The following ADGRL2 variants were observed in gnomAD, a reference collection of about 807,000 sequenced individuals.
The protein encoded by ADGRL2 is calcium-independent alpha-latrotoxin receptor 2.
ADGRL2 carries 44 observed loss-of-function variants against 157.4 expected under a neutral mutation model. That is an observed-to-expected ratio of 0.28 (90% CI 0.22 to 0.36). The LOEUF (loss-of-function observed/expected upper bound fraction) is 0.36. ADGRL2 is among the 10% of genes least tolerant of loss of function. The probability of loss-of-function intolerance (pLI) is 1.00; values close to 1 mark genes in which losing one functional copy is unlikely to be tolerated. For missense variants in ADGRL2, 1,510 were observed against 1,768.9 expected, an observed-to-expected ratio of 0.85 and a Z score of 2.63; for synonymous variants, 585 against 624.7, an observed-to-expected ratio of 0.94 and a Z score of 0.95.
At chr1:81,392,925 T>A (rs140788950) in intron 1 of ADGRL2, among the ~76,000 whole-genome samples, 1 of 152,258 alleles carries the variant, frequency 6.6e-6, no homozygotes, top group African/African-American at 2.4e-5. Flanking sequence ...ATAATAATTG[T>A]AACTTTTTGT....
At chr1:81,864,478 G>T (rs1443235837) in intron 2 of ADGRL2, among the ~76,000 whole-genome samples, 1 of 151,934 alleles carries the variant, frequency 6.6e-6, no homozygotes, top group African/African-American at 2.4e-5. Flanking sequence ...AGAATGAATT[G>T]ACCTATGACA....
At chr1:81,920,666 C>T (rs1414657349) in intron 3 of ADGRL2, among the ~76,000 whole-genome samples, 1 of 152,132 alleles carries the variant, frequency 6.6e-6, no homozygotes, top group Admixed American at 6.6e-5. Context: ...TTTGTTGCGA[C>T]TGCACTGGAG....
intron 1 of ADGRL2, among the ~76,000 whole-genome samples, chr1:81,407,468 T>C (rs1314929766): frequency 6.6e-6 from 1 of 152,250 alleles, no homozygotes; most frequent in Non-Finnish European, 1.5e-5. Context: ...CTGCCCACTG[T>C]TACACATCAT....
chr1:81,889,248 C>G (rs1048727470), intron 2 of ADGRL2, among the ~76,000 whole-genome samples: 3 of 152,202 alleles, frequency 2.0e-5, no homozygotes, highest in South Asian at 4.1e-4. Context: ...AACGAAATCT[C>G]GGCCTCTTGT....
chr1:81,522,621 T>G (rs1370145011), intron 2 of ADGRL2, among the ~76,000 whole-genome samples: 1 of 152,212 alleles, frequency 6.6e-6, no homozygotes, highest in Non-Finnish European at 1.5e-5. Flanking sequence ...GTTTAAGCTA[T>G]ACTTTTTCTG....
Position 81,985,473 on chromosome 1 carries a change from G to A in ADGRL2, c.3508+118G>A, listed in dbSNP as rs537350921. On this transcript the variant is annotated intron_variant, in intron 21 of 23. Transcript: ENST00000686636. Reference sequence around the variant, plus strand: ...AAACTGCATTAACAGGATGCGGCTCGAAGGTAATTATTGAAAATATACCTT... The same window carrying A: ...AAACTGCATTAACAGGATGCGGCTCAAAGGTAATTATTGAAAATATACCTT... The A allele has an allele frequency of 1.9e-5, 10 of 534,612 alleles. No homozygotes were observed. In the East Asian group the frequency reaches 1.9e-4, roughly 10 times the overall value. 33.1% of individuals were successfully genotyped at this position (534,612 alleles called of 1,614,324 possible).
At chr1:81,755,735 T>A (rs2085666011) in intron 1 of ADGRL2, among the ~76,000 whole-genome samples, 1 of 152,138 alleles carries the variant, frequency 6.6e-6, no homozygotes, top group Non-Finnish European at 1.5e-5. Flanking sequence ...ATACTTTTCA[T>A]GAGCTTGACA....
chr1:81,800,239 G>A (rs765539496), upstream of ADGRL2, among the ~76,000 whole-genome samples: 54 of 152,082 alleles, frequency 3.6e-4, no homozygotes, highest in African/African-American at 1.1e-3. Flanking sequence ...AGTCAATAAA[G>A]TCAAAGTTTA....
chr1:81,561,324 G>T (rs1173290487), intron 2 of ADGRL2, among the ~76,000 whole-genome samples: 2 of 151,966 alleles, frequency 1.3e-5, no homozygotes, highest in East Asian at 1.9e-4. Context: ...CTGGAACAGT[G>T]CATGACCTAT....
At chr1:81,503,045 C>CA (rs2078889584) in intron 2 of ADGRL2, 1 of 1,611,466 alleles carries the variant, frequency 6.2e-7, no homozygotes, top group African/African-American at 1.3e-5. Context: ...CGGACCGCCG[C>CA]ACTGGAGCAG....
At chr1:81,771,703 A>G (rs2086375810) in intron 2 of ADGRL2, among the ~76,000 whole-genome samples, 1 of 49,638 alleles carries the variant, frequency 2.0e-5, no homozygotes, top group East Asian at 0.012. Context: ...AAATCCCCCT[A>G]TGAGAGTGCA....
chr1:81,355,614 T>C (rs1663227970), intron 1 of ADGRL2, among the ~76,000 whole-genome samples: 1 of 152,206 alleles, frequency 6.6e-6, no homozygotes, highest in African/African-American at 2.4e-5. Flanking sequence ...ACACAACGCC[T>C]GTTGCCATTT....
intron 1 of ADGRL2, among the ~76,000 whole-genome samples, chr1:81,310,748 A>T (rs780174607): frequency 4.9e-4 from 74 of 151,770 alleles, no homozygotes; most frequent in Non-Finnish European, 7.9e-4. Context: ...TTTAAATTTG[A>T]GCTAACCCTG....
intron 1 of ADGRL2, among the ~76,000 whole-genome samples, chr1:81,702,219 G>A (rs1450422389): frequency 1.3e-5 from 2 of 152,138 alleles, no homozygotes; most frequent in Admixed American, 6.5e-5. Flanking sequence ...CATGTAGGTG[G>A]ATATGGGGCA....
intron 2 of ADGRL2, chr1:81,502,742 T>C (rs1022877097): frequency 4.0e-5 from 64 of 1,613,642 alleles, no homozygotes; most frequent in Non-Finnish European, 5.2e-5. Context: ...CAGGCAGCAA[T>C]TGATGGCAAC....
intron 1 of ADGRL2, among the ~76,000 whole-genome samples, chr1:81,715,050 C>T (rs1268350512): frequency 1.3e-5 from 2 of 151,746 alleles, no homozygotes; most frequent in Non-Finnish European, 2.9e-5. Flanking sequence ...TTTTTTACTC[C>T]TCAGTAGATT....
In ADGRL2 at chr1:81,427,739, A is replaced by G. The variant is rs1570939340; in HGVS notation, c.-301-17297A>G. Reference sequence around the variant, plus strand: ...ACTTTAAAAATCTGCCAGAGGGAACAATGATCCATAGTCAGAAAAGTTACT... The same window carrying G: ...ACTTTAAAAATCTGCCAGAGGGAACGATGATCCATAGTCAGAAAAGTTACT... On this transcript the variant is annotated intron_variant, in intron 1 of 24. Coordinates refer to the ADGRL2 transcript ENST00000370721. 4.5e-5 allele frequency: 17 copies of G among 378,790 alleles called. 1 individual carries two copies. The South Asian group carries it at 5.5e-4, about 12-fold the overall frequency. 23.5% of individuals were successfully genotyped at this position (378,790 alleles called of 1,614,324 possible). A position where few individuals can be genotyped will look rare whatever the true frequency, so the allele number is the denominator to read the frequency against.
intron 2 of ADGRL2, among the ~76,000 whole-genome samples, chr1:81,456,386 T>G (rs2077807494): frequency 6.6e-6 from 1 of 151,976 alleles, no homozygotes; most frequent in African/African-American, 2.4e-5. Flanking sequence ...ATCCAGCTAA[T>G]TTTTTTAATT....
chr1:81,478,508 G>A (rs1256959134), intron 2 of ADGRL2, among the ~76,000 whole-genome samples: 1 of 152,214 alleles, frequency 6.6e-6, no homozygotes, highest in Non-Finnish European at 1.5e-5. Context: ...TGCAGCTGGT[G>A]CTGGCACTTT....
Sources: allele counts gnomAD v4.1 joint callset (sites outside exome capture counted in the v4.1 genomes callset), GRCh38; gene constraint gnomAD v4.1.1; transcripts MANE v1.5; gene names NCBI Gene and HGNC (gene_info 2026-07-23, HGNC 2026-07-21).